VDAC1: variants seen among roughly 807,000 people sequenced by gnomAD.
VDAC1 encodes non-selective voltage-gated ion channel VDAC1.
A neutral mutation model predicts 34.7 loss-of-function variants in VDAC1; 10 were observed. That is an observed-to-expected ratio of 0.29 (90% CI 0.18 to 0.49). The LOEUF (loss-of-function observed/expected upper bound fraction) is 0.49, where lower values mean the gene tolerates loss of function less well. Ranked by LOEUF, VDAC1 falls within the 20% of genes least tolerant of loss-of-function variation. The probability of loss-of-function intolerance (pLI) is 0.99; values close to 1 mark genes in which losing one functional copy is unlikely to be tolerated. For synonymous variants in VDAC1, 130 were observed against 136.0 expected (o/e 0.96, Z 0.30); for missense variants, 230 against 347.9 (o/e 0.66, Z 2.69).
chr5:134,039,338 AT>A, the VDAC1 span, among the ~76,000 whole-genome samples: 2 of 151,354 alleles, frequency 1.3e-5, no homozygotes, highest in African/African-American at 4.8e-5. Flanking sequence ...TATTTTTTTT[AT>A]TTTTTTTGAG....
chr5:134,066,272 G>A, the VDAC1 span, among the ~76,000 whole-genome samples: 1 of 152,270 alleles, frequency 6.6e-6, no homozygotes, highest in African/African-American at 2.4e-5. Flanking sequence ...AAAGTGCTGA[G>A]ATTACAGGCA....
At chr5:134,045,697 T>G in the VDAC1 span, among the ~76,000 whole-genome samples, 1 of 151,740 alleles carries the variant, frequency 6.6e-6, no homozygotes, top group Non-Finnish European at 1.5e-5. Context: ...TTTTTTGAGA[T>G]GGGGTTTCAC....
At chr5:133,981,115 C>T in intron 5 of VDAC1, 159 bp from the exon 6 acceptor site, 1 of 619,646 alleles carries the variant, frequency 1.6e-6, no homozygotes, top group Non-Finnish European at 2.8e-6. Flanking sequence ...CCACAATGAG[C>T]AGGACACAAC....
chr5:134,028,132 T>A, the VDAC1 span, among the ~76,000 whole-genome samples: 3,121 of 150,676 alleles, frequency 0.021, 42 homozygotes, highest in Non-Finnish European at 0.031. Flanking sequence ...ATTTATATAT[T>A]TATTTATTTA....
At chr5:134,028,310 T>C in the VDAC1 span, among the ~76,000 whole-genome samples, 1 of 150,572 alleles carries the variant, frequency 6.6e-6, no homozygotes, top group African/African-American at 2.4e-5. Context: ...TTTTTGTCTT[T>C]TTAGTAGGGA....
At chr5:134,019,918 G>T in the VDAC1 span, among the ~76,000 whole-genome samples, 1 of 152,118 alleles carries the variant, frequency 6.6e-6, no homozygotes, top group African/African-American at 2.4e-5. Context: ...TGTCCTGGTT[G>T]CCAGGAACGA....
Position 133,992,173 on chromosome 5 carries a change from T to C in VDAC1, c.117+133A>G, listed in dbSNP as rs1354093196. The C allele has an allele frequency of 1.2e-5, 6 of 519,426 alleles. No individual in the cohort carries two copies. In the Admixed American group the frequency reaches 1.4e-4, roughly 12 times the overall value. The allele number at this position is 519,426 out of a possible 1,614,324, so 32.2% of individuals were successfully genotyped here. ...ATCGCTTGAACCCAAGAAGTGGAGGTTGTGGTGAGCTGAGATCACGCCATT... is the reference window on the plus strand; with the variant it reads ...ATCGCTTGAACCCAAGAAGTGGAGGCTGTGGTGAGCTGAGATCACGCCATT... On this transcript the variant is annotated intron_variant, in intron 3 of 8. Coordinates refer to ENST00000265333, the MANE Select transcript of VDAC1 (RefSeq NM_003374.3).
intron 1 of VDAC1, among the ~76,000 whole-genome samples, chr5:134,003,982 C>T (rs1753659153): frequency 6.6e-6 from 1 of 152,254 alleles, no homozygotes; most frequent in African/African-American, 2.4e-5. Context: ...ACATCCTTCC[C>T]CGTGGGGCCT....
chr5:134,033,828 T>TA, the VDAC1 span, among the ~76,000 whole-genome samples: 3 of 151,252 alleles, frequency 2.0e-5, no homozygotes, highest in Non-Finnish European at 3.0e-5. Context: ...CCGTCTCTAC[T>TA]AAAAATACAA....
At chr5:134,027,087 G>T in the VDAC1 span, among the ~76,000 whole-genome samples, 1 of 152,170 alleles carries the variant, frequency 6.6e-6, no homozygotes, top group African/African-American at 2.4e-5. Flanking sequence ...GTGGCCAGGG[G>T]TGATGCTAAG....
chr5:134,080,321 C>T, the VDAC1 span, among the ~76,000 whole-genome samples: 1 of 152,166 alleles, frequency 6.6e-6, no homozygotes, highest in Non-Finnish European at 1.5e-5. Context: ...GGCCTGGGGT[C>T]GAGCCAGTGA....
chr5:134,095,638 C>T, the VDAC1 span, among the ~76,000 whole-genome samples: 3 of 152,004 alleles, frequency 2.0e-5, no homozygotes, highest in Admixed American at 6.5e-5. Context: ...CTATACCTAA[C>T]GTTGCCATCC....
At chr5:133,999,365 T>G (rs980633215) in intron 1 of VDAC1, among the ~76,000 whole-genome samples, 3 of 152,078 alleles carry the variant, frequency 2.0e-5, no homozygotes, top group Non-Finnish European at 4.4e-5. Flanking sequence ...AGCAGAAGTA[T>G]CTGGCATGGA....
At chr5:134,106,965 C>G in the VDAC1 span, among the ~76,000 whole-genome samples, 1 of 152,148 alleles carries the variant, frequency 6.6e-6, no homozygotes, top group Non-Finnish European at 1.5e-5. Context: ...CCTCCCTGGC[C>G]CCAGAAGGCC....
the VDAC1 span, among the ~76,000 whole-genome samples, chr5:134,071,534 G>A: frequency 1.2e-4 from 19 of 152,372 alleles, no homozygotes; most frequent in East Asian, 3.1e-3. The surrounding 1 kb of genome is among the most constrained non-coding windows in gnomAD (Gnocchi z 4.1). Context: ...TTTTGGCTGC[G>A]TGTGGTAAAT....
the VDAC1 span, among the ~76,000 whole-genome samples, chr5:134,054,584 G>A: frequency 1.4e-4 from 21 of 150,602 alleles, no homozygotes; most frequent in East Asian, 3.1e-3. Context: ...CTCAGCCTCC[G>A]GAGTAGCTGT....
At chr5:134,058,166 G>A in the VDAC1 span, among the ~76,000 whole-genome samples, 2 of 152,194 alleles carry the variant, frequency 1.3e-5, no homozygotes, top group Non-Finnish European at 2.9e-5. Flanking sequence ...GAGATTACAA[G>A]TGTGAGCCAC....
chr5:134,082,115 A>G, the VDAC1 span: 14 of 152,810 alleles, frequency 9.2e-5, no homozygotes, highest in African/African-American at 3.4e-4. Flanking sequence ...CCTCCAGTCG[A>G]TAAGTTTGAA....
intron 1 of VDAC1, among the ~76,000 whole-genome samples, chr5:133,997,513 C>T (rs554936050): frequency 3.0e-4 from 45 of 149,090 alleles, no homozygotes; most frequent in African/African-American, 1.1e-3. Flanking sequence ...ACCTGGCCAA[C>T]ATGGCAAAAC....
Sources: gnomAD v4.1 joint callset for allele counts (sites outside exome capture counted in the v4.1 genomes callset) on GRCh38, gnomAD v4.1.1 for gene constraint, Gnocchi (gnomAD v3.1) non-coding constraint, MANE v1.5 for transcripts, NCBI Gene and HGNC (gene_info 2026-07-23, HGNC 2026-07-21) for gene names.